KCNQ3: variants seen among roughly 807,000 people sequenced by gnomAD.
The protein encoded by KCNQ3 is potassium voltage-gated channel subfamily KQT member 3.
Under a neutral mutation model 92.5 loss-of-function variants are expected in KCNQ3, and 30 were observed. The observed-to-expected ratio is 0.32, with a 90% CI of 0.24 to 0.44. The LOEUF (loss-of-function observed/expected upper bound fraction) is 0.44, where lower values mean the gene tolerates loss of function less well. KCNQ3 is among the 20% of genes least tolerant of loss of function. KCNQ3 has a pLI of 1.00. For synonymous variants in KCNQ3, 450 were observed against 468.8 expected (o/e 0.96, Z 0.52); for missense variants, 913 against 1,140.3 (o/e 0.80, Z 2.87).
At chr8:132,414,587 G>A (rs2597333) in intron 1 of KCNQ3, among the ~76,000 whole-genome samples, 25,708 of 152,184 alleles carry the variant, frequency 0.17, 2,462 homozygotes, top group East Asian at 0.32. Context: ...ACAGTTGCTG[G>A]GAGCTGGGGA....
chr8:132,193,248 C>G (rs370701830), intron 1 of KCNQ3, among the ~76,000 whole-genome samples: 1 of 152,352 alleles, frequency 6.6e-6, no homozygotes, highest in African/African-American at 2.4e-5. Context: ...GCCCTTAAAT[C>G]AGTCTCCATC....
chr8:132,429,797 G>A (rs1008463273), intron 1 of KCNQ3, among the ~76,000 whole-genome samples: 3 of 149,398 alleles, frequency 2.0e-5, no homozygotes, highest in South Asian at 4.2e-4. Flanking sequence ...GGAGGCGGAG[G>A]TTGCAGTGAG....
rs1826948178 is a variant in KCNQ3 at position 132,186,120 on chromosome 8, T to C, written c.448A>G (p.Thr150Ala). 6.2e-7 allele frequency: 1 copy of C among 1,613,552 alleles called. No individual in the cohort carries two copies. The highest frequency in any genetic ancestry group is 8.5e-7 in the Non-Finnish European group (1 of 1,179,654). Residue 150 changes from threonine to alanine, a missense_variant, in exon 2 of 15, where the codon ACT becomes GCT. Thr to Ala is a moderately conservative substitution (Grantham distance 58, BLOSUM62 0). Around this residue, in one of 6 missense-constraint regions of KCNQ3, gnomAD observed 100 missense variants for 217.6 expected, o/e 0.46. Coordinates refer to ENST00000388996, the MANE Select transcript of KCNQ3 (RefSeq NM_004519.4). Reference protein sequence around the residue: ...AVLTTFKEYETVSGDWLLLLE... With the variant: ...AVLTTFKEYEAVSGDWLLLLE... ...AACAGAAGCCAGTCTCCCGAGACAG[T>C]CTCATACTCCTTGAATGTGGTCAGG...
intron 1 of KCNQ3, among the ~76,000 whole-genome samples, chr8:132,197,746 T>C (rs1827340964): frequency 6.6e-6 from 1 of 152,232 alleles, no homozygotes; most frequent in Non-Finnish European, 1.5e-5. Context: ...TTGCCTTCTC[T>C]TGTGGACTGA....
At chr8:132,163,540 A>G in intron 8 of KCNQ3, 46 bp from the exon 9 acceptor site, 2 of 1,474,030 alleles carry the variant, frequency 1.4e-6, no homozygotes, top group Non-Finnish European at 1.9e-6. Context: ...ATTACGTGAA[A>G]CAGCTGTATC....
intron 13 of KCNQ3, among the ~76,000 whole-genome samples, chr8:132,133,620 C>T (rs1824960861): frequency 1.3e-5 from 2 of 152,196 alleles, no homozygotes; most frequent in South Asian, 4.1e-4. Flanking sequence ...TCCTGAAGGG[C>T]TGGGATTACA....
chr8:132,227,395 C>T (rs1172238423), intron 1 of KCNQ3, among the ~76,000 whole-genome samples: 11 of 151,964 alleles, frequency 7.2e-5, no homozygotes, highest in Admixed American at 7.2e-4. Context: ...TCTGGAGACA[C>T]AAAGAGGCAC....
At chr8:132,290,428 A>G (rs1157778861) in intron 1 of KCNQ3, among the ~76,000 whole-genome samples, 1 of 152,180 alleles carries the variant, frequency 6.6e-6, no homozygotes, top group African/African-American at 2.4e-5. Context: ...AGAGAGGGTT[A>G]GGGAAAAGGG....
intron 9 of KCNQ3, among the ~76,000 whole-genome samples, chr8:132,147,269 G>A (rs1438185057): frequency 6.6e-6 from 1 of 152,126 alleles, no homozygotes; most frequent in East Asian, 1.9e-4. Context: ...GAAAAAGATT[G>A]ATAAATAACC....
intron 1 of KCNQ3, among the ~76,000 whole-genome samples, chr8:132,288,910 T>C (rs564346084): frequency 6.6e-6 from 1 of 152,290 alleles, no homozygotes; most frequent in African/African-American, 2.4e-5. Context: ...GGAAGAGTGG[T>C]ATTATTTATG....
At chr8:132,330,033 T>A (rs61339604) in intron 1 of KCNQ3, among the ~76,000 whole-genome samples, 5,570 of 152,220 alleles carry the variant, frequency 0.037, 288 homozygotes, top group Admixed American at 0.11. Flanking sequence ...AAGTTAAGGA[T>A]CTTCAGATGA....
At chr8:132,220,566 T>C (rs1814192476) in intron 1 of KCNQ3, among the ~76,000 whole-genome samples, 1 of 151,996 alleles carries the variant, frequency 6.6e-6, no homozygotes, top group Non-Finnish European at 1.5e-5. Flanking sequence ...CTGGCCAACA[T>C]GGTGAAATCC....
chr8:132,249,230 A>T (rs7814576), intron 1 of KCNQ3, among the ~76,000 whole-genome samples: 1 of 152,072 alleles, frequency 6.6e-6, no homozygotes, highest in Admixed American at 6.5e-5. Flanking sequence ...TGCCACTGCC[A>T]GCTGGGGCAG....
At chr8:132,144,764 A>G (rs1825403069) in intron 9 of KCNQ3, among the ~76,000 whole-genome samples, 1 of 152,000 alleles carries the variant, frequency 6.6e-6, no homozygotes. Flanking sequence ...GAAAATCTTC[A>G]TCCCTTTTTT....
chr8:132,389,367 G>T lies in KCNQ3; in HGVS notation c.386+90780C>A, dbSNP rs1315013023. On this transcript the variant is annotated intron_variant, in intron 1 of 14. Coordinates refer to ENST00000388996, the MANE Select transcript of KCNQ3 (RefSeq NM_004519.4). ...AGATACTTGGGAGGCTGAGGCAGGA[G>T]AATTACTCAAGCCAGCAGCGAGCTG... 2.0e-5 allele frequency among the ~76,000 whole-genome samples: 3 copies of T among 152,216 alleles called. No individual in the cohort carries two copies. In the East Asian group the frequency reaches 5.8e-4, roughly 29 times the overall value.
chr8:132,187,348 A>G (rs1213648523), intron 1 of KCNQ3: 1 of 438,686 alleles, frequency 2.3e-6, no homozygotes, highest in Non-Finnish European at 4.6e-6. Context: ...TGGTGTGACC[A>G]TAAGGACCAT....
chr8:132,200,221 T>C (rs118134798), intron 1 of KCNQ3, among the ~76,000 whole-genome samples: 1,561 of 152,304 alleles, frequency 0.01, 13 homozygotes, highest in Non-Finnish European at 0.017. Context: ...AGGTATAAAA[T>C]AGAGGTAGGT....
rs180674534 is a variant in KCNQ3 at position 132,480,597 on chromosome 8, G to T, written c.-65C>A. The T allele has an allele frequency of 4.1e-6, 5 of 1,231,264 alleles. No individual in the cohort carries two copies. In the South Asian group the frequency reaches 4.7e-5, roughly 12 times the overall value. The allele number at this position is 1,231,264 out of a possible 1,614,324, so 76.3% of individuals were successfully genotyped here. A position where few individuals can be genotyped will look rare whatever the true frequency, so the allele number is the denominator to read the frequency against. On this transcript the variant is annotated 5_prime_UTR_variant, in exon 1 of 15. Transcript: ENST00000388996. The stretch of plus-strand genomic sequence containing the variant: ...TGCTCTGGGAAGAAGGGGCGCTCGG[G>T]GTGCGTGAACGAGGCGGCGGCGGCG...
chr8:132,440,788 C>T (rs139095305), intron 1 of KCNQ3, among the ~76,000 whole-genome samples: 50 of 152,240 alleles, frequency 3.3e-4, no homozygotes, highest in African/African-American at 1.1e-3. Context: ...ACTCTGCCAC[C>T]CTCACAGAAT....
Sources: gnomAD v4.1 joint callset for allele counts (sites outside exome capture counted in the v4.1 genomes callset) on GRCh38, gnomAD v4.1.1 for gene constraint, gnomAD v4.1.1 regional missense constraint, MANE v1.5 for transcripts, NCBI Gene and HGNC (gene_info 2026-07-23, HGNC 2026-07-21) for gene names.